The following LDB2 variants were observed in gnomAD, a reference collection of about 807,000 sequenced individuals.
The protein encoded by LDB2 is LIM domain binding 2, also known as LIM domain-binding protein 2.
A neutral mutation model predicts 44.3 loss-of-function variants in LDB2; 12 were observed. The observed-to-expected ratio is 0.27, with a 90% CI of 0.17 to 0.44. The LOEUF (loss-of-function observed/expected upper bound fraction) is 0.44. Ranked by LOEUF, LDB2 falls within the 20% of genes least tolerant of loss-of-function variation. The probability of loss-of-function intolerance (pLI) is 1.00; values close to 1 mark genes in which losing one functional copy is unlikely to be tolerated. For missense variants in LDB2, 344 were observed against 473.5 expected (o/e 0.73, Z 2.54); for synonymous variants, 164 against 174.8 (o/e 0.94, Z 0.49).
At chr4:16,698,369 C>T (rs79598363) in intron 2 of LDB2, among the ~76,000 whole-genome samples, 2,769 of 152,240 alleles carry the variant, frequency 0.018, 34 homozygotes, top group Non-Finnish European at 0.027. Flanking sequence ...TCATCAAAAA[C>T]GATGTCACCA....
chr4:16,816,155 C>T (rs902840725), intron 1 of LDB2, among the ~76,000 whole-genome samples: 10 of 152,048 alleles, frequency 6.6e-5, no homozygotes, highest in South Asian at 2.1e-4. Flanking sequence ...TTGCAGTGAG[C>T]GATCACGCCA....
chr4:16,847,617 G>A lies in LDB2; in HGVS notation c.132+50737C>T, dbSNP rs13142216. On this transcript the variant is annotated intron_variant, in intron 1 of 7. Coordinates refer to ENST00000304523, the MANE Select transcript of LDB2 (RefSeq NM_001290.5). ...CACATGTTTGTTTGTTTGTTTGTTT[G>A]TTTGTTTGTTTGTTTTTTGAGACGG... 2.9e-4 allele frequency among the ~76,000 whole-genome samples: 29 copies of A among 99,510 alleles called. No homozygotes were observed. The East Asian group carries it at 3.9e-3, about 13-fold the overall frequency. The allele number at this position is 99,510 out of a possible 152,430, so 65.3% of individuals were successfully genotyped here.
At chr4:16,818,617 C>G (rs1781376416) in intron 1 of LDB2, among the ~76,000 whole-genome samples, 1 of 152,154 alleles carries the variant, frequency 6.6e-6, no homozygotes, top group African/African-American at 2.4e-5. Context: ...TCAATGACCA[C>G]CTACCAGGGC....
At chr4:16,873,040 G>C (rs73129865) in intron 1 of LDB2, among the ~76,000 whole-genome samples, 3,558 of 152,232 alleles carry the variant, frequency 0.023, 56 homozygotes, top group Middle Eastern at 0.061. Flanking sequence ...GTTCAAAAAG[G>C]CCAAGTGGCA....
intron 1 of LDB2, among the ~76,000 whole-genome samples, chr4:16,768,849 G>C (rs1769962330): frequency 6.6e-6 from 1 of 152,084 alleles, no homozygotes; most frequent in Non-Finnish European, 1.5e-5. Context: ...AATATAAGTA[G>C]CATTATTAAC....
intron 5 of LDB2, among the ~76,000 whole-genome samples, chr4:16,529,958 T>C (rs1729582400): frequency 6.6e-6 from 1 of 152,172 alleles, no homozygotes. Context: ...GGGGTGAGCA[T>C]ATTCATTGGA....
At chr4:16,774,964 G>A (rs760998416) in intron 1 of LDB2, among the ~76,000 whole-genome samples, 57 of 152,098 alleles carry the variant, frequency 3.7e-4, no homozygotes, top group South Asian at 6.2e-4. Context: ...AGTAATAAAC[G>A]AAAGAAAATT....
At chr4:16,630,631 G>T (rs1731659855) in intron 2 of LDB2, among the ~76,000 whole-genome samples, 1 of 152,182 alleles carries the variant, frequency 6.6e-6, no homozygotes, top group African/African-American at 2.4e-5. Flanking sequence ...CCAATTAAAA[G>T]ACACAGACTG....
At chr4:16,626,107 A>G (rs1156707013) in intron 2 of LDB2, among the ~76,000 whole-genome samples, 1 of 152,232 alleles carries the variant, frequency 6.6e-6, no homozygotes, top group African/African-American at 2.4e-5. Flanking sequence ...GCACAACCCT[A>G]TGAGGTTGGC....
At chr4:16,853,499 G>C (rs143096468) in intron 1 of LDB2, among the ~76,000 whole-genome samples, 1 of 152,154 alleles carries the variant, frequency 6.6e-6, no homozygotes, top group Non-Finnish European at 1.5e-5. Context: ...AGGATGTGGA[G>C]AAAAATGAAT....
intron 2 of LDB2, among the ~76,000 whole-genome samples, chr4:16,610,016 C>T (rs1042563908): frequency 6.6e-6 from 1 of 152,090 alleles, no homozygotes; most frequent in Non-Finnish European, 1.5e-5. Flanking sequence ...ATCTTTGCTG[C>T]TCTCCAGCCT....
At chr4:16,639,070 A>C (rs1254629793) in intron 2 of LDB2, among the ~76,000 whole-genome samples, 1 of 152,240 alleles carries the variant, frequency 6.6e-6, no homozygotes, top group African/African-American at 2.4e-5. Context: ...ATCAAGTTTC[A>C]GAGCAAAGTT....
intron 1 of LDB2, among the ~76,000 whole-genome samples, chr4:16,814,659 T>A (rs1780575030): frequency 6.6e-6 from 1 of 152,182 alleles, no homozygotes. Context: ...AACAGAGATA[T>A]TGAGAGCTTT....
chr4:16,793,983 T>C (rs1361949589), intron 1 of LDB2, among the ~76,000 whole-genome samples: 1 of 152,146 alleles, frequency 6.6e-6, no homozygotes, highest in Non-Finnish European at 1.5e-5. Context: ...TGTCTTAGAT[T>C]TACCAGCTAA....
intron 2 of LDB2, among the ~76,000 whole-genome samples, chr4:16,617,569 G>A (rs1265843761): frequency 6.6e-6 from 1 of 152,134 alleles, no homozygotes; most frequent in Non-Finnish European, 1.5e-5. Flanking sequence ...TATAGAAAAC[G>A]TGAAATCATC....
intron 7 of LDB2, chr4:16,506,303 C>A: frequency 4.0e-6 from 1 of 249,476 alleles, no homozygotes; most frequent in Non-Finnish European, 7.6e-6. Flanking sequence ...TAACATCTGA[C>A]AATTTTACTT....
chr4:16,511,067 C>T (rs946863399), intron 6 of LDB2, among the ~76,000 whole-genome samples: 2 of 152,044 alleles, frequency 1.3e-5, no homozygotes, highest in African/African-American at 4.8e-5. Flanking sequence ...CATAAAATAA[C>T]ACTTATTTTC....
chr4:16,770,374 T>C (rs1281520496), intron 1 of LDB2, among the ~76,000 whole-genome samples: 1 of 152,230 alleles, frequency 6.6e-6, no homozygotes, highest in Non-Finnish European at 1.5e-5. Flanking sequence ...CCAGCACTTT[T>C]AATTTTATGA....
rs577135134 is a variant in LDB2 at position 16,852,488 on chromosome 4, A to T, written c.132+45866T>A. Among the ~76,000 whole-genome samples the T allele has an allele frequency of 9.8e-5, 15 of 152,328 alleles. 1 individual carries two copies. The South Asian group carries it at 3.1e-3, about 32-fold the overall frequency. ...AATCCATTCATAAAGTACTTGGAGG[A>T]TCATCTGGACAAAAGATGTTATATG... On this transcript the variant is annotated intron_variant, in intron 1 of 7. Transcript: ENST00000304523.
Sources: allele counts gnomAD v4.1 joint callset (sites outside exome capture counted in the v4.1 genomes callset), GRCh38; gene constraint gnomAD v4.1.1; transcripts MANE v1.5; gene names NCBI Gene and HGNC (gene_info 2026-07-23, HGNC 2026-07-21).